The following ABCC1 variants were observed in gnomAD, a reference collection of about 807,000 sequenced individuals.
The protein encoded by ABCC1 is ATP binding cassette subfamily C member 1 (ABCC1 blood group), also known as multidrug resistance-associated protein 1.
Under a neutral mutation model 172.9 loss-of-function variants are expected in ABCC1, and 83 were observed. The ratio of observed to expected loss-of-function variants is 0.48; its 90% CI spans 0.40 to 0.58. The LOEUF is 0.58. ABCC1 is among the 20% of genes least tolerant of loss of function. The pLI is 0.00. For missense variants in ABCC1, 1,817 were observed against 2,002.7 expected (o/e 0.91, Z 1.77); for synonymous variants, 937 against 825.2 (o/e 1.14, Z -2.32).
At chr16:16,035,492 A>ATT (rs55727520) in intron 6 of ABCC1, among the ~76,000 whole-genome samples, 6 of 138,940 alleles carry the variant, frequency 4.3e-5, no homozygotes, top group African/African-American at 1.3e-4. Flanking sequence ...CCTTCAGCCT[A>ATT]TTTTTTTTTT....
intron 1 of ABCC1, 46 bp downstream of exon 1, chr16:15,949,845 G>A (rs2045823934): frequency 8.4e-7 from 1 of 1,185,912 alleles, no homozygotes; most frequent in Non-Finnish European, 1.0e-6. Context: ...GAGGGAGGCC[G>A]GCGGGGAGGG....
chr16:16,103,671 C>A (rs45522836), intron 20 of ABCC1, among the ~76,000 whole-genome samples: 1 of 152,186 alleles, frequency 6.6e-6, no homozygotes, highest in Non-Finnish European at 1.5e-5. Flanking sequence ...ACGTATCAGA[C>A]CGCGGAGATC....
At chr16:16,103,246 A>C (rs761341341) in intron 20 of ABCC1, among the ~76,000 whole-genome samples, 1 of 152,142 alleles carries the variant, frequency 6.6e-6, no homozygotes, top group Non-Finnish European at 1.5e-5. Context: ...CTGGGGATTT[A>C]TAGCGTATGC....
chr16:16,057,313 C>T (rs1171971475), intron 12 of ABCC1, among the ~76,000 whole-genome samples: 2 of 150,164 alleles, frequency 1.3e-5, no homozygotes, highest in Non-Finnish European at 3.0e-5. Context: ...GAGCCGAGAT[C>T]GAGCCACGGC....
chr16:16,042,863 T>C (rs2049030919), intron 7 of ABCC1, among the ~76,000 whole-genome samples: 1 of 152,154 alleles, frequency 6.6e-6, no homozygotes, highest in African/African-American at 2.4e-5. Context: ...GTCAATTTTA[T>C]TTATTTGCTT....
intron 1 of ABCC1, among the ~76,000 whole-genome samples, chr16:15,991,056 G>A (rs1193367055): frequency 1.3e-5 from 2 of 152,074 alleles, no homozygotes; most frequent in Non-Finnish European, 2.9e-5. Context: ...ACATTTAGTT[G>A]TCTCCATCTT....
chr16:16,138,714 CTT>C (rs397973927), intron 30 of ABCC1, among the ~76,000 whole-genome samples, 156 bp downstream of exon 30: 26 of 129,624 alleles, frequency 2.0e-4, no homozygotes, highest in Admixed American at 2.4e-4. Flanking sequence ...CCAGCTATTT[CTT>C]TTTTTTTTTT....
At chr16:16,139,378 G>A (rs1008687283) in intron 30 of ABCC1, among the ~76,000 whole-genome samples, 4 of 152,004 alleles carry the variant, frequency 2.6e-5, no homozygotes, top group African/African-American at 7.3e-5. Flanking sequence ...TTGGGAGGCC[G>A]AGGCAGGCAG....
intron 1 of ABCC1, among the ~76,000 whole-genome samples, chr16:15,953,726 G>T (rs1248393664): frequency 6.6e-6 from 1 of 152,078 alleles, no homozygotes; most frequent in African/African-American, 2.4e-5. Flanking sequence ...CTGGTCCCAG[G>T]GTTGATGTGC....
intron 26 of ABCC1, among the ~76,000 whole-genome samples, chr16:16,130,278 C>G (rs368383729): frequency 3.3e-5 from 5 of 152,258 alleles, no homozygotes; most frequent in African/African-American, 1.2e-4. Context: ...CTTTTATTGT[C>G]GTGTCTGTCC....
chr16:16,056,600 C>G (rs1024190657), intron 12 of ABCC1: 1 of 405,088 alleles, frequency 2.5e-6, no homozygotes, highest in Non-Finnish European at 4.6e-6. Context: ...ACCTGGGAGG[C>G]GACGGTTGGA....
chr16:16,102,841 C>A, intron 20 of ABCC1, 124 bp downstream of exon 20: 3 of 848,980 alleles, frequency 3.5e-6, no homozygotes, highest in Non-Finnish European at 5.5e-6. Context: ...TACCTTCCCT[C>A]CCAAATCCTC....
chr16:16,086,287 T>G (rs551600675), intron 17 of ABCC1, among the ~76,000 whole-genome samples: 2 of 152,328 alleles, frequency 1.3e-5, no homozygotes, highest in African/African-American at 4.8e-5. Context: ...GGCTAAACCC[T>G]GTGCCTGTGA....
Position 16,014,690 on chromosome 16 carries a change from C to T in ABCC1, c.489+62C>T, listed in dbSNP as rs1597119395. On this transcript the variant is annotated intron_variant, in intron 4 of 30. Transcript: ENST00000399410. Reference sequence around the variant, plus strand: ...GACCCGGAGGGAGAGATGCTGGGTCCCTCTGGCTTGTGTAGAAGTCATGCG... The same window carrying T: ...GACCCGGAGGGAGAGATGCTGGGTCTCTCTGGCTTGTGTAGAAGTCATGCG... The T allele has an allele frequency of 6.9e-6, 11 of 1,594,414 alleles. No individual in the cohort carries two copies. The East Asian group carries it at 2.0e-4, about 29-fold the overall frequency.
At chr16:16,096,400 C>T (rs1309699256) in intron 19 of ABCC1, among the ~76,000 whole-genome samples, 3 of 152,100 alleles carry the variant, frequency 2.0e-5, no homozygotes, top group Non-Finnish European at 4.4e-5. Context: ...CATCTCCTGC[C>T]ACCTTTTGAT....
intron 1 of ABCC1, among the ~76,000 whole-genome samples, chr16:16,004,116 A>G (rs2047428696): frequency 6.6e-6 from 1 of 151,998 alleles, no homozygotes; most frequent in Admixed American, 6.6e-5. Context: ...TCTGGCTATG[A>G]TAGGGAGGAC....
At chr16:16,019,383 T>C (rs921593480) in intron 5 of ABCC1, among the ~76,000 whole-genome samples, 1 of 152,170 alleles carries the variant, frequency 6.6e-6, no homozygotes, top group East Asian at 1.9e-4. Flanking sequence ...GGATTACAGG[T>C]GTGAGCCACC....
intron 17 of ABCC1, 48 bp from the exon 18 acceptor site, chr16:16,086,776 G>A: frequency 6.2e-7 from 1 of 1,600,290 alleles, no homozygotes; most frequent in Non-Finnish European, 8.5e-7. Context: ...CGTATTGTGA[G>A]TCTCAAGATT....
chr16:16,076,081 A>AC, intron 14 of ABCC1: 1 of 515,860 alleles, frequency 1.9e-6, no homozygotes, highest in South Asian at 2.8e-5. Context: ...AGATGGCGCA[A>AC]CCCCATCTTA....
Sources: gnomAD v4.1 joint callset for allele counts (sites outside exome capture counted in the v4.1 genomes callset) on GRCh38, gnomAD v4.1.1 for gene constraint, MANE v1.5 for transcripts, NCBI Gene and HGNC (gene_info 2026-07-23, HGNC 2026-07-21) for gene names.